ANKRD13C: variants seen among roughly 807,000 people sequenced by gnomAD.
ANKRD13C encodes the protein ankyrin repeat domain-containing protein 13C.
Under a neutral mutation model 65.5 loss-of-function variants are expected in ANKRD13C, and 16 were observed. The ratio of observed to expected loss-of-function variants is 0.24; its 90% CI spans 0.17 to 0.37. The LOEUF is 0.37. Ranked by LOEUF, ANKRD13C falls within the 10% of genes least tolerant of loss-of-function variation. ANKRD13C has a pLI of 1.00. For synonymous variants in ANKRD13C, 235 were observed against 238.7 expected, an observed-to-expected ratio of 0.98 and a Z score of 0.14; for missense variants, 503 against 655.9, an observed-to-expected ratio of 0.77 and a Z score of 2.55.
At chr1:70,317,458 CT>C (rs920045474) in intron 3 of ANKRD13C, among the ~76,000 whole-genome samples, 1 of 151,782 alleles carries the variant, frequency 6.6e-6, no homozygotes, top group South Asian at 2.1e-4. Context: ...TTTCAAATAT[CT>C]TTTTTTTAAA....
At position 70,277,612 on chromosome 1, in the gene ANKRD13C, T is replaced by C. The variant is rs190062991; in HGVS notation, c.1216-768A>G. Among the ~76,000 whole-genome samples, 8 of 151,778 alleles carry C rather than the reference T, an allele frequency of 5.3e-5. No individual in the cohort carries two copies. In the East Asian group the frequency reaches 9.7e-4, roughly 18 times the overall value. ...AAAATAGAAAATATATGAGAAAAGATAGCAATCTTCTGTGGGTAAAGATCA... is the reference window on the plus strand; with the variant it reads ...AAAATAGAAAATATATGAGAAAAGACAGCAATCTTCTGTGGGTAAAGATCA... On this transcript the variant is annotated intron_variant, in intron 9 of 12. Transcript: ENST00000370944.
rs912039251 is a variant in ANKRD13C, at chr1:70,262,384, T to G, written c.*333A>C. ...ATAGATATAGATATAGATATATTTA[T>G]ATGCATATATATTTCAACAAGAAGT... On this transcript the variant is annotated 3_prime_UTR_variant, in exon 13 of 13. Transcript: ENST00000370944. The G allele has an allele frequency of 7.5e-5, 12 of 159,084 alleles. No homozygotes were observed. In the East Asian group the frequency reaches 1.8e-3, roughly 24 times the overall value. 9.9% of individuals were successfully genotyped at this position (159,084 alleles called of 1,614,324 possible). A position where few individuals can be genotyped will look rare whatever the true frequency, so the allele number is the denominator to read the frequency against.
At chr1:70,278,092 G>A (rs990251017) in intron 9 of ANKRD13C, among the ~76,000 whole-genome samples, 4 of 151,832 alleles carry the variant, frequency 2.6e-5, no homozygotes, top group African/African-American at 9.7e-5. Context: ...GAAAAGCTGA[G>A]GCGGGAGGAT....
intron 6 of ANKRD13C, among the ~76,000 whole-genome samples, chr1:70,301,767 C>T (rs776644748): frequency 2.0e-5 from 3 of 152,070 alleles, no homozygotes; most frequent in Non-Finnish European, 4.4e-5. Flanking sequence ...CACTACTTGC[C>T]GAAATTAGGA....
At chr1:70,335,930 T>C in intron 2 of ANKRD13C, 128 bp downstream of exon 2, 1 of 280,658 alleles carries the variant, frequency 3.6e-6, no homozygotes, top group Non-Finnish European at 6.8e-6. Flanking sequence ...TTCAATATAC[T>C]AAATTCTAAG....
intron 2 of ANKRD13C, among the ~76,000 whole-genome samples, chr1:70,334,143 G>A (rs949747577): frequency 6.6e-6 from 1 of 152,124 alleles, no homozygotes; most frequent in Non-Finnish European, 1.5e-5. Flanking sequence ...GGGCAACATA[G>A]CGAGACCTCA....
chr1:70,308,914 T>A (rs545096047), intron 5 of ANKRD13C, among the ~76,000 whole-genome samples: 11 of 152,156 alleles, frequency 7.2e-5, no homozygotes, highest in Non-Finnish European at 1.5e-4. Context: ...ACCAACCTAT[T>A]TCCTGTTACC....
At chr1:70,320,679 C>T (rs1681267719) in intron 3 of ANKRD13C, among the ~76,000 whole-genome samples, 1 of 151,966 alleles carries the variant, frequency 6.6e-6, no homozygotes, top group South Asian at 2.1e-4. Flanking sequence ...TTTCTTTTCC[C>T]TATAATTCCT....
At chr1:70,275,509 T>C (rs1679089927) in intron 10 of ANKRD13C, among the ~76,000 whole-genome samples, 1 of 152,142 alleles carries the variant, frequency 6.6e-6, no homozygotes, top group South Asian at 2.1e-4. Flanking sequence ...ATGTCCTTTT[T>C]TTTTTTTCAT....
At chr1:70,263,029 T>C (rs1678456351) in intron 12 of ANKRD13C, among the ~76,000 whole-genome samples, 182 bp from the exon 13 acceptor site, 3 of 150,938 alleles carry the variant, frequency 2.0e-5, no homozygotes, top group African/African-American at 7.3e-5. Flanking sequence ...GTTCTGGGTA[T>C]TGATTAGTGA....
chr1:70,294,750 C>T (rs1002535712), intron 8 of ANKRD13C, among the ~76,000 whole-genome samples: 1 of 151,950 alleles, frequency 6.6e-6, no homozygotes, highest in Non-Finnish European at 1.5e-5. Context: ...CTCATCCTTC[C>T]AAGCACCTGC....
rs190302548 is a variant in ANKRD13C at position 70,348,201 on chromosome 1, A to G, written c.430+5778T>C. On this transcript the variant is annotated intron_variant, in intron 1 of 12. Transcript: ENST00000370944. Reference sequence around the variant, plus strand: ...AAAAAAATATCAAAAGGAAGATACGAGATTTATACAGAATAAACCAAAATA... The same window carrying G: ...AAAAAAATATCAAAAGGAAGATACGGGATTTATACAGAATAAACCAAAATA... Among the ~76,000 whole-genome samples, 18 of 152,344 alleles carry G rather than the reference A, an allele frequency of 1.2e-4. No individual in the cohort carries two copies. In the East Asian group the frequency reaches 3.1e-3, roughly 26 times the overall value.
chr1:70,318,059 G>A (rs749948461), intron 3 of ANKRD13C, among the ~76,000 whole-genome samples: 2 of 152,084 alleles, frequency 1.3e-5, no homozygotes, highest in Non-Finnish European at 2.9e-5. Flanking sequence ...TAACATATGC[G>A]AAGAGATTCC....
intron 4 of ANKRD13C, among the ~76,000 whole-genome samples, chr1:70,314,300 C>A (rs1415112937): frequency 2.0e-5 from 3 of 151,704 alleles, no homozygotes; most frequent in Non-Finnish European, 4.4e-5. Flanking sequence ...CTCACTGCAA[C>A]CTCTGCCTCC....
intron 2 of ANKRD13C, among the ~76,000 whole-genome samples, chr1:70,326,872 G>GA (rs367782768): frequency 0.074 from 10,724 of 145,142 alleles, 482 homozygotes; most frequent in South Asian, 0.2. Flanking sequence ...ATAACACATT[G>GA]AAAAAAAAAA....
intron 5 of ANKRD13C, among the ~76,000 whole-genome samples, chr1:70,312,053 T>A (rs1488134831): frequency 1.3e-5 from 2 of 152,222 alleles, no homozygotes; most frequent in Non-Finnish European, 2.9e-5. Context: ...TAAGTGCTAA[T>A]GGACTTCAGA....
At position 70,297,770 on chromosome 1, in the gene ANKRD13C, G is replaced by A. The variant is rs549365472; in HGVS notation, c.922-1509C>T. Among the ~76,000 whole-genome samples, 51 of 150,424 alleles carry A rather than the reference G, an allele frequency of 3.4e-4. 1 individual carries two copies. In the South Asian group the frequency reaches 0.01, roughly 30 times the overall value. On this transcript the variant is annotated intron_variant, in intron 7 of 12. Coordinates refer to ENST00000370944, the MANE Select transcript of ANKRD13C (RefSeq NM_030816.5). ...CTCTACTAAAAAAAAAAAATTAGCC[G>A]GGCATGGTGGCACGCGCCTGTAGTC...
In ANKRD13C at chr1:70,309,977, G is replaced by A. The variant is rs1181130969; in HGVS notation, c.710-3687C>T. Among the ~76,000 whole-genome samples, 6 of 152,014 alleles carry A rather than the reference G, an allele frequency of 3.9e-5. No homozygotes were observed. In the East Asian group the frequency reaches 9.6e-4, roughly 24 times the overall value. On this transcript the variant is annotated intron_variant, in intron 5 of 12. Transcript: ENST00000370944. ...AAGTTTGCAACAGGTGGGGTAGTTA[G>A]TATTATCCTCATTTTAAAAATGAAG...
intron 2 of ANKRD13C, among the ~76,000 whole-genome samples, chr1:70,329,458 T>C (rs1681689162): frequency 6.6e-6 from 1 of 150,628 alleles, no homozygotes. Flanking sequence ...GAGGTGGAGG[T>C]TGTGATGAGC....
Sources: allele counts gnomAD v4.1 joint callset (sites outside exome capture counted in the v4.1 genomes callset), GRCh38; gene constraint gnomAD v4.1.1; transcripts MANE v1.5; gene names NCBI Gene and HGNC (gene_info 2026-07-23, HGNC 2026-07-21).